SLCO1A2: variants seen among roughly 807,000 people sequenced by gnomAD.
The protein encoded by SLCO1A2 is OATP-1.
A neutral mutation model predicts 69.0 loss-of-function variants in SLCO1A2; 67 were observed. The observed-to-expected ratio is 0.97, with a 90% CI of 0.80 to 1.19. The LOEUF (loss-of-function observed/expected upper bound fraction) is 1.19. Ranked by LOEUF, SLCO1A2 falls within the 50% of genes most tolerant of loss-of-function variation. SLCO1A2 has a pLI of 0.00. For synonymous variants in SLCO1A2, 260 were observed against 265.9 expected (o/e 0.98, Z 0.22); for missense variants, 787 against 793.7 (o/e 0.99, Z 0.10).
At chr12:21,331,191 G>C (rs892019054) in intron 2 of SLCO1A2, among the ~76,000 whole-genome samples, 1 of 152,030 alleles carries the variant, frequency 6.6e-6, no homozygotes, top group Non-Finnish European at 1.5e-5. Context: ...ACTCCACAGA[G>C]AAAGAAAGGG....
chr12:21,335,801 G>A (rs1273648284), upstream of SLCO1A2, among the ~76,000 whole-genome samples: 1 of 152,116 alleles, frequency 6.6e-6, no homozygotes, highest in Non-Finnish European at 1.5e-5. Context: ...TTCTCTCACA[G>A]ATACAACAAA....
Position 21,275,159 on chromosome 12 carries a change from G to A in SLCO1A2, c.1675+201C>T, listed in dbSNP as rs12297072. 3,968 of 842,252 alleles carry A rather than the reference G, an allele frequency of 4.7e-3. 93 individuals carry two copies. The African/African-American group carries it at 0.057, about 12-fold the overall frequency. The allele number at this position is 842,252 out of a possible 1,614,324, so 52.2% of individuals were successfully genotyped here. On this transcript the variant is annotated intron_variant, in intron 13 of 14. Transcript: ENST00000683939. ...ACACCAGGGCCTGTTGTGGGGTGGG[G>A]GAAGGGGGGAGGGATAGCATTAGGA...
intron 8 of SLCO1A2, among the ~76,000 whole-genome samples, chr12:21,299,791 C>CACACGTATATATATATATAT (rs1565482253): frequency 1.6e-4 from 21 of 127,330 alleles, no homozygotes; most frequent in Non-Finnish European, 2.7e-4. Context: ...TATATATATA[C>CACACGTATATATATATATAT]ACACACACGT....
chr12:21,398,778 T>C (rs1941574668), upstream of SLCO1A2, among the ~76,000 whole-genome samples: 2 of 149,966 alleles, frequency 1.3e-5, no homozygotes, highest in African/African-American at 4.9e-5. Context: ...AAAAACCACA[T>C]GATTATCTCA....
At chr12:21,319,129 G>A (rs903890354) in intron 2 of SLCO1A2, among the ~76,000 whole-genome samples, 3 of 152,142 alleles carry the variant, frequency 2.0e-5, no homozygotes, top group African/African-American at 7.2e-5. Flanking sequence ...GACTAATTTT[G>A]TAGGCAGTTG....
At chr12:21,416,132 C>T (rs1439930469) in intron 1 of SLCO1A2, among the ~76,000 whole-genome samples, 1 of 151,950 alleles carries the variant, frequency 6.6e-6, no homozygotes, top group Non-Finnish European at 1.5e-5. Context: ...TAACTTCTAA[C>T]ATTCTGATTC....
At chr12:21,364,937 G>C (rs994959521) in intron 2 of SLCO1A2, among the ~76,000 whole-genome samples, 2 of 152,184 alleles carry the variant, frequency 1.3e-5, no homozygotes, top group Non-Finnish European at 2.9e-5. Context: ...CTCGTGGATA[G>C]GAAGAATCAA....
chr12:21,276,930 G>A (rs993211666), intron 12 of SLCO1A2, among the ~76,000 whole-genome samples: 5 of 152,190 alleles, frequency 3.3e-5, no homozygotes, highest in East Asian at 3.9e-4. Flanking sequence ...ATGGGCAAAC[G>A]TGCTCTCCCT....
intron 2 of SLCO1A2, chr12:21,372,996 C>T (rs1231551827): frequency 3.7e-6 from 1 of 268,834 alleles, no homozygotes; most frequent in Non-Finnish European, 7.1e-6. Flanking sequence ...GACATTGAAA[C>T]ATTAAAAGGT....
chr12:21,286,393 A>C (rs1296882431), intron 12 of SLCO1A2, among the ~76,000 whole-genome samples: 1 of 133,348 alleles, frequency 7.5e-6, no homozygotes, highest in African/African-American at 2.8e-5. Flanking sequence ...TTCCATGCTC[A>C]TGGGTAGGAA....
intron 3 of SLCO1A2, among the ~76,000 whole-genome samples, chr12:21,318,480 C>T (rs1951172618): frequency 1.3e-5 from 2 of 152,050 alleles, no homozygotes; most frequent in African/African-American, 4.8e-5. Flanking sequence ...TTAGGGTTAT[C>T]AAATGATATT....
chr12:21,308,091 A>T (rs915746265), intron 4 of SLCO1A2, among the ~76,000 whole-genome samples: 1 of 152,274 alleles, frequency 6.6e-6, no homozygotes. Context: ...AAAAGGAAAG[A>T]CTCTGCTTAG....
intron 2 of SLCO1A2, among the ~76,000 whole-genome samples, chr12:21,351,749 G>A (rs1189740257): frequency 6.6e-6 from 1 of 151,048 alleles, no homozygotes; most frequent in Non-Finnish European, 1.5e-5. Context: ...TTGCACTCCA[G>A]CCTGGGCAAC....
At chr12:21,400,534 C>A (rs1213987459) in intron 1 of SLCO1A2, among the ~76,000 whole-genome samples, 1 of 151,842 alleles carries the variant, frequency 6.6e-6, no homozygotes, top group Non-Finnish European at 1.5e-5. Flanking sequence ...TGGGTATATA[C>A]CCAAACGACT....
At chr12:21,344,111 T>C (rs1020413951) in intron 2 of SLCO1A2, among the ~76,000 whole-genome samples, 3 of 152,134 alleles carry the variant, frequency 2.0e-5, no homozygotes, top group African/African-American at 7.2e-5. Context: ...AAATCTTGTT[T>C]ACTGAGTGAC....
At chr12:21,378,255 G>A in intron 1 of SLCO1A2, 2 of 1,614,170 alleles carry the variant, frequency 1.2e-6, no homozygotes, top group Non-Finnish European at 1.7e-6. Flanking sequence ...TGGAAAAGCG[G>A]AAATGCAACA....
intron 1 of SLCO1A2, chr12:21,403,711 C>CTTTTTTTTTTTTTT (rs71043273): frequency 1.2e-5 from 1 of 84,326 alleles, no homozygotes; most frequent in Non-Finnish European, 2.2e-5. Context: ...CTCCTCCTTG[C>CTTTTTTTTTTTTTT]TTTTTTTTTT....
intron 14 of SLCO1A2, among the ~76,000 whole-genome samples, chr12:21,273,125 C>G (rs1338018190): frequency 1.3e-5 from 2 of 152,092 alleles, no homozygotes; most frequent in Admixed American, 1.3e-4. Flanking sequence ...GAGGGAGAAC[C>G]CAGGTAAACA....
rs755724729 is a variant in SLCO1A2, at chr12:21,334,571, A to C, written c.60+17T>G. 6.3e-7 allele frequency: 1 copy of C among 1,589,186 alleles called. No individual in the cohort carries two copies. Among genetic ancestry groups the C allele is most frequent in the South Asian group, 1.1e-5 (1 of 89,488 alleles). ...CTAGTGTACATGCACATATATCCAC[A>C]TACAAAAATTCCATACCTTCAACTT... On this transcript the variant is annotated intron_variant, in intron 2 of 14. Coordinates refer to ENST00000683939, the MANE Select transcript of SLCO1A2 (RefSeq NM_001386879.1).
Sources: gnomAD v4.1 joint callset for allele counts (sites outside exome capture counted in the v4.1 genomes callset) on GRCh38, gnomAD v4.1.1 for gene constraint, MANE v1.5 for transcripts, NCBI Gene and HGNC (gene_info 2026-07-23, HGNC 2026-07-21) for gene names.